Variants in KCNQ5 observed in about 807,000 individuals in gnomAD.
KCNQ5 encodes the protein potassium voltage-gated channel subfamily Q member 5, also known as potassium voltage-gated channel subfamily KQT member 5.
A neutral mutation model predicts 98.2 loss-of-function variants in KCNQ5; 30 were observed. The observed-to-expected ratio is 0.31, with a 90% CI of 0.23 to 0.41. The LOEUF (loss-of-function observed/expected upper bound fraction) is 0.41, where lower values mean the gene tolerates loss of function less well. KCNQ5 is among the 10% of genes least tolerant of loss of function. KCNQ5 has a pLI of 1.00. For missense variants in KCNQ5, 835 were observed against 1,182.5 expected, an observed-to-expected ratio of 0.71 and a Z score of 4.31; for synonymous variants, 458 against 449.4, an observed-to-expected ratio of 1.02 and a Z score of -0.24.
chr6:73,120,548 G>A lies in KCNQ5; in HGVS notation c.1191G>A (p.Leu397=), dbSNP rs1333557056. 1.9e-6 allele frequency: 3 copies of A among 1,611,524 alleles called. No individual in the cohort carries two copies. Among genetic ancestry groups the A allele is most frequent in the African/African-American group, 1.3e-5 (1 of 74,858 alleles). Residue 397 remains leucine, a synonymous_variant, in exon 8 of 14, where the codon TTG becomes TTA. Transcript: ENST00000370398. ...SVSIATWKPH[L]KALHTCSPTK... is the part of the protein sequence containing the mutation. ...CCATTGCAACCTGGAAGCCACACTT[G>A]AAGGCCTTGCACACCTGCAGCCCTA...
chr6:72,626,236 C>A (rs1448188428), intron 1 of KCNQ5, among the ~76,000 whole-genome samples: 1 of 152,090 alleles, frequency 6.6e-6, no homozygotes, highest in Admixed American at 6.5e-5. Context: ...GAAGTGAAGC[C>A]CGGGCAGAAA....
chr6:72,878,284 A>G (rs1472632300), intron 1 of KCNQ5, among the ~76,000 whole-genome samples: 1 of 152,196 alleles, frequency 6.6e-6, no homozygotes, highest in Admixed American at 6.5e-5. Flanking sequence ...AAGAAAAAGA[A>G]AAAGAAAATC....
intron 5 of KCNQ5, among the ~76,000 whole-genome samples, chr6:73,082,110 T>C (rs1352473100): frequency 2.6e-5 from 4 of 152,202 alleles, no homozygotes; most frequent in African/African-American, 9.7e-5. Flanking sequence ...ATGGTCCAGC[T>C]GAAGAGATGG....
chr6:72,729,480 G>T (rs1770451205), intron 1 of KCNQ5, among the ~76,000 whole-genome samples: 1 of 152,172 alleles, frequency 6.6e-6, no homozygotes, highest in Non-Finnish European at 1.5e-5. Context: ...TAGAAACAGG[G>T]TTTCGCCATG....
chr6:72,816,631 C>G (rs746745766), intron 1 of KCNQ5, among the ~76,000 whole-genome samples: 1 of 152,122 alleles, frequency 6.6e-6, no homozygotes, highest in Non-Finnish European at 1.5e-5. Context: ...CATCATATAT[C>G]TAGATTAACG....
chr6:72,673,124 A>G (rs1040700049), intron 1 of KCNQ5, among the ~76,000 whole-genome samples: 3 of 152,176 alleles, frequency 2.0e-5, no homozygotes, highest in African/African-American at 7.2e-5. Context: ...CAGCTGTCCC[A>G]TTGCCTGGGG....
intron 1 of KCNQ5, among the ~76,000 whole-genome samples, chr6:72,757,359 A>G (rs1457138780): frequency 6.6e-6 from 1 of 152,178 alleles, no homozygotes; most frequent in African/African-American, 2.4e-5. Context: ...AAATGTATAC[A>G]GATGCTCCTC....
chr6:72,835,370 A>T (rs1421818671), intron 1 of KCNQ5, among the ~76,000 whole-genome samples: 1 of 152,146 alleles, frequency 6.6e-6, no homozygotes, highest in Non-Finnish European at 1.5e-5. Flanking sequence ...CTGGCTAATT[A>T]AATATTGCAT....
In KCNQ5 at chr6:73,003,886, TTC is replaced by T; in HGVS notation, c.399-18_399-17del. On this transcript the variant is annotated intron_variant, in intron 1 of 13. Coordinates refer to ENST00000370398, the MANE Select transcript of KCNQ5 (RefSeq NM_019842.4). Reference sequence around the variant, plus strand: ...TAATAAGGTAAGGTTCTTATCAGATTTCTCTTTTTGTTGTTTTACAGTTTTCT... The same window carrying T: ...TAATAAGGTAAGGTTCTTATCAGATTTCTTTTTGTTGTTTTACAGTTTTCT... 1 of 1,498,548 alleles carries T rather than the reference TTC, an allele frequency of 6.7e-7. No homozygotes were observed. Among genetic ancestry groups the T allele is most frequent in the Non-Finnish European group, 9.3e-7 (1 of 1,076,568 alleles). 92.8% of individuals were successfully genotyped at this position (1,498,548 alleles called of 1,614,324 possible). A position where few individuals can be genotyped will look rare whatever the true frequency, so the allele number is the denominator to read the frequency against.
chr6:72,649,978 T>C (rs1189828652), intron 1 of KCNQ5, among the ~76,000 whole-genome samples: 1 of 152,152 alleles, frequency 6.6e-6, no homozygotes, highest in Non-Finnish European at 1.5e-5. Flanking sequence ...GCAAGTGCTA[T>C]GTTTTTTCTG....
intron 1 of KCNQ5, among the ~76,000 whole-genome samples, chr6:72,824,347 A>G (rs1311325175): frequency 2.0e-5 from 3 of 152,168 alleles, no homozygotes; most frequent in Admixed American, 1.3e-4. Flanking sequence ...GAGAGGAAAA[A>G]TGATACCTAA....
chr6:73,024,003 T>G (rs954246730), intron 2 of KCNQ5, among the ~76,000 whole-genome samples: 4 of 152,192 alleles, frequency 2.6e-5, no homozygotes, highest in Non-Finnish European at 4.4e-5. Flanking sequence ...TTTATCTACA[T>G]AAATATCATT....
chr6:72,900,673 G>A, intron 1 of KCNQ5, among the ~76,000 whole-genome samples: 1 of 151,870 alleles, frequency 6.6e-6, no homozygotes, highest in South Asian at 2.1e-4. Context: ...ATACCCAGTA[G>A]TGGGGTTGCT....
chr6:72,955,137 C>T (rs1766981792), intron 1 of KCNQ5, among the ~76,000 whole-genome samples: 2 of 152,196 alleles, frequency 1.3e-5, no homozygotes, highest in Admixed American at 1.3e-4. Flanking sequence ...AGGTTATTTT[C>T]ACAAGCAATT....
chr6:73,135,540 G>A (rs1484809054), intron 10 of KCNQ5: 2 of 151,500 alleles, frequency 1.3e-5, no homozygotes, highest in Non-Finnish European at 2.9e-5. Flanking sequence ...CCCTACTCTA[G>A]GGGCCCTTGC....
At chr6:72,883,736 A>G (rs1778741635) in intron 1 of KCNQ5, among the ~76,000 whole-genome samples, 1 of 152,192 alleles carries the variant, frequency 6.6e-6, no homozygotes, top group African/African-American at 2.4e-5. Flanking sequence ...AGCTCATTAC[A>G]CAGCAGCCAA....
chr6:72,673,135 A>C (rs1259351420), intron 1 of KCNQ5, among the ~76,000 whole-genome samples: 19 of 152,110 alleles, frequency 1.2e-4, no homozygotes. Flanking sequence ...TTGCCTGGGG[A>C]TAGCTAACCT....
At chr6:72,623,450 G>C (rs1274229859) in intron 1 of KCNQ5, among the ~76,000 whole-genome samples, 1 of 144,678 alleles carries the variant, frequency 6.9e-6, no homozygotes, top group Middle Eastern at 3.7e-3. Context: ...CCATCTAGCA[G>C]AGAATGCTTA....
At chr6:72,795,176 C>T (rs908577775) in intron 1 of KCNQ5, among the ~76,000 whole-genome samples, 1 of 152,066 alleles carries the variant, frequency 6.6e-6, no homozygotes, top group African/African-American at 2.4e-5. Context: ...GGGGGGAGTG[C>T]GTGTCTTATT....
Sources: allele counts gnomAD v4.1 joint callset (sites outside exome capture counted in the v4.1 genomes callset), GRCh38; gene constraint gnomAD v4.1.1; transcripts MANE v1.5; gene names NCBI Gene and HGNC (gene_info 2026-07-23, HGNC 2026-07-21).